Variants in ANKRD6 observed in about 807,000 individuals in gnomAD.
ANKRD6 encodes ankyrin repeat domain 6.
In ANKRD6, 56 loss-of-function variants were observed where a neutral mutation model predicts 82.3. That is an observed-to-expected ratio of 0.68 (90% confidence interval 0.55 to 0.85). The LOEUF is 0.85. Among genes scored for constraint, ANKRD6 ranks in the 40% least tolerant of loss-of-function variants. The probability of loss-of-function intolerance (pLI) is 0.00; values close to 1 mark genes in which losing one functional copy is unlikely to be tolerated. For synonymous variants in ANKRD6, 347 were observed against 352.1 expected, an observed-to-expected ratio of 0.99 and a Z score of 0.16; for missense variants, 852 against 907.6, an observed-to-expected ratio of 0.94 and a Z score of 0.79.
intron 1 of ANKRD6, among the ~76,000 whole-genome samples, chr6:89,541,387 CTTTTTTT>C (rs58643589): frequency 1.6e-5 from 1 of 64,102 alleles, no homozygotes; most frequent in African/African-American, 6.6e-5. Flanking sequence ...TTACGTGTGG[CTTTTTTT>C]TTTTTTTTTT....
At chr6:89,480,234 C>G (rs1305735692) in intron 1 of ANKRD6, among the ~76,000 whole-genome samples, 2 of 152,198 alleles carry the variant, frequency 1.3e-5, no homozygotes, top group African/African-American at 4.8e-5. Flanking sequence ...TATTTCTGTT[C>G]TATTTTGTGT....
intron 1 of ANKRD6, among the ~76,000 whole-genome samples, chr6:89,470,505 C>T (rs1775317051): frequency 6.6e-6 from 1 of 152,092 alleles, no homozygotes; most frequent in South Asian, 2.1e-4. Flanking sequence ...CCTATAGTCC[C>T]AGATACTCAG....
At chr6:89,438,994 T>TTG (rs1770998700) in intron 1 of ANKRD6, among the ~76,000 whole-genome samples, 1 of 150,854 alleles carries the variant, frequency 6.6e-6, no homozygotes, top group African/African-American at 2.4e-5. Context: ...ATGTATGTGT[T>TTG]TGTATATATG....
intron 1 of ANKRD6, among the ~76,000 whole-genome samples, chr6:89,464,308 GA>G (rs201390903): frequency 4.0e-5 from 6 of 149,728 alleles, no homozygotes; most frequent in Non-Finnish European, 7.4e-5. Context: ...AAGAGAAAAG[GA>G]AAAAAAAAGA....
At chr6:89,508,182 G>T (rs1052023144) in intron 1 of ANKRD6, among the ~76,000 whole-genome samples, 2 of 152,086 alleles carry the variant, frequency 1.3e-5, no homozygotes, top group African/African-American at 4.8e-5. Flanking sequence ...GTTTTTGTGC[G>T]CCAGGAATCC....
intron 1 of ANKRD6, among the ~76,000 whole-genome samples, chr6:89,468,801 G>C (rs1373702218): frequency 1.3e-5 from 2 of 151,944 alleles, no homozygotes; most frequent in Admixed American, 6.6e-5. Context: ...GCTTTCCTAA[G>C]GCATATCATT....
intron 3 of ANKRD6, among the ~76,000 whole-genome samples, chr6:89,601,388 T>C (rs986152370): frequency 6.6e-6 from 1 of 152,118 alleles, no homozygotes; most frequent in African/African-American, 2.4e-5. Flanking sequence ...CTTCCACAAA[T>C]GAACAGTGGG....
At chr6:89,491,395 C>G (rs78645657) in intron 1 of ANKRD6, among the ~76,000 whole-genome samples, 8,479 of 152,194 alleles carry the variant, frequency 0.056, 261 homozygotes, top group South Asian at 0.13. Flanking sequence ...TGCCCTTTTC[C>G]CCTGAAGCCG....
chr6:89,465,925 T>G (rs1002503823), intron 1 of ANKRD6, among the ~76,000 whole-genome samples: 1 of 152,132 alleles, frequency 6.6e-6, no homozygotes, highest in South Asian at 2.1e-4. Flanking sequence ...CTTGCCTCAT[T>G]AGGTTATTAT....
intron 3 of ANKRD6, chr6:89,597,990 C>G (rs1347943736): frequency 2.2e-6 from 1 of 458,642 alleles, no homozygotes; most frequent in Admixed American, 6.4e-5. Context: ...TCTAGGAGAT[C>G]AGTTATTTGA....
rs71024383 is a variant in ANKRD6 at position 89,578,286 on chromosome 6, C to CTTTTTTTTTTTTTT, written c.120+11203_120+11216dup. On this transcript the variant is annotated intron_variant, in intron 2 of 15. Coordinates refer to ENST00000339746, the MANE Select transcript of ANKRD6 (RefSeq NM_001242809.2). ...ATTAGCTTTTTCCCCCTCCCGCCTC[C>CTTTTTTTTTTTTTT]TTTTTTTTTTTTTTTTTTTTTTTTT... Among the ~76,000 whole-genome samples, 4 of 119,098 alleles carry CTTTTTTTTTTTTTT rather than the reference C, an allele frequency of 3.4e-5. 2 individuals carry two copies. The highest frequency in any genetic ancestry group is 3.4e-5 in the Non-Finnish European group (2 of 58,470). The allele number at this position is 119,098 out of a possible 152,430, so 78.1% of individuals were successfully genotyped here.
intron 1 of ANKRD6, among the ~76,000 whole-genome samples, chr6:89,538,635 G>C (rs1333621509): frequency 1.3e-5 from 2 of 152,246 alleles, no homozygotes; most frequent in East Asian, 3.9e-4. Context: ...AATCTGTTAA[G>C]GTCAAGACTC....
At chr6:89,619,012 G>A (rs977166989) in intron 9 of ANKRD6, among the ~76,000 whole-genome samples, 2 of 152,188 alleles carry the variant, frequency 1.3e-5, no homozygotes, top group South Asian at 2.1e-4. Flanking sequence ...AAAATAACCC[G>A]ACAACAGCCC....
chr6:89,484,632 A>C (rs912392760), intron 1 of ANKRD6, among the ~76,000 whole-genome samples: 11 of 152,210 alleles, frequency 7.2e-5, no homozygotes, highest in Non-Finnish European at 1.2e-4. Flanking sequence ...TTCAGTACAC[A>C]GTGTGCATCC....
chr6:89,455,211 A>G (rs915342165), intron 1 of ANKRD6, among the ~76,000 whole-genome samples: 6 of 150,298 alleles, frequency 4.0e-5, no homozygotes, highest in African/African-American at 1.5e-4. Context: ...TTGCATTGCT[A>G]TACAGAAATA....
At chr6:89,629,414 G>C in intron 15 of ANKRD6, 176 bp downstream of exon 15, 1 of 840,094 alleles carries the variant, frequency 1.2e-6, no homozygotes, top group Non-Finnish European at 1.9e-6. Flanking sequence ...CAGTTGCTAT[G>C]TAATAATAAA....
chr6:89,493,198 G>T (rs981832481), intron 1 of ANKRD6, among the ~76,000 whole-genome samples: 1 of 152,122 alleles, frequency 6.6e-6, no homozygotes, highest in African/African-American at 2.4e-5. Context: ...AGTTCTGGAG[G>T]CCAGAAGTCC....
chr6:89,616,537 C>T, intron 7 of ANKRD6, 22 bp from the exon 8 acceptor site: 5 of 1,611,606 alleles, frequency 3.1e-6, no homozygotes, highest in Non-Finnish European at 4.2e-6. Flanking sequence ...TGAGGTTTAG[C>T]AGACCTTCTA....
intron 1 of ANKRD6, among the ~76,000 whole-genome samples, chr6:89,548,792 A>G (rs765077528): frequency 7.9e-5 from 12 of 152,226 alleles, no homozygotes; most frequent in Non-Finnish European, 1.8e-4. Context: ...AATGAGGGTT[A>G]CGCAGCGTCT....
Sources: gnomAD v4.1 joint callset for allele counts (sites outside exome capture counted in the v4.1 genomes callset) on GRCh38, gnomAD v4.1.1 for gene constraint, MANE v1.5 for transcripts, NCBI Gene and HGNC (gene_info 2026-07-23, HGNC 2026-07-21) for gene names.